Variants in RBM24 observed in about 807,000 individuals in gnomAD.
The protein encoded by RBM24 is RNA binding motif protein 24.
In RBM24, 5 loss-of-function variants were observed where a neutral mutation model predicts 23.6. The observed-to-expected ratio is 0.21, with a 90% CI of 0.11 to 0.45. The LOEUF (loss-of-function observed/expected upper bound fraction) is 0.45. Ranked by LOEUF, RBM24 falls within the 20% of genes least tolerant of loss-of-function variation. The pLI is 0.99. For synonymous variants in RBM24, 151 were observed against 129.5 expected (o/e 1.17, Z -1.13); for missense variants, 252 against 314.6 (o/e 0.80, Z 1.51).
chr6:17,283,111 T>C, intron 2 of RBM24, 183 bp downstream of exon 2: 1 of 557,968 alleles, frequency 1.8e-6, no homozygotes, highest in Non-Finnish European at 3.2e-6. Flanking sequence ...CTCTCAAGGC[T>C]TGAAATGTAC....
chr6:17,289,271 C>A, intron 3 of RBM24: 1 of 985,280 alleles, frequency 1.0e-6, no homozygotes, highest in Middle Eastern at 5.2e-4. Flanking sequence ...ACCTTCAGTC[C>A]AATTCTGCCT....
intron 3 of RBM24, chr6:17,290,900 T>G (rs1760337274): frequency 7.8e-7 from 1 of 1,287,816 alleles, no homozygotes; most frequent in Non-Finnish European, 1.0e-6. Context: ...ACAGGTTTGG[T>G]TGACCGTTGT....
intron 3 of RBM24, among the ~76,000 whole-genome samples, chr6:17,285,423 T>C (rs1402333846): frequency 6.6e-6 from 1 of 152,050 alleles, no homozygotes; most frequent in Admixed American, 6.6e-5. Flanking sequence ...AAAGGGCCTT[T>C]TTTTTTTTCT....
intron 3 of RBM24, chr6:17,288,745 TA>T (rs1391987022): frequency 1.0e-6 from 1 of 979,634 alleles, no homozygotes; most frequent in Non-Finnish European, 1.2e-6. Flanking sequence ...CCAGGAAACA[TA>T]AAGGAGCCCA....
In RBM24 at chr6:17,281,731, G is replaced by A; in HGVS notation, c.150G>A (p.Lys50=). ...AVVITDRQTG[K]SRGYGFVTMA... ...TCATCACCGACCGGCAGACGGGCAAGTCCCGGGGCTATGGATTTGTAAGTT... is the reference window on the plus strand; with the variant it reads ...TCATCACCGACCGGCAGACGGGCAAATCCCGGGGCTATGGATTTGTAAGTT... The change falls in exon 1 of 4, where the codon AAG becomes AAA. Residue 50 remains lysine, a synonymous_variant. Transcript: ENST00000379052. This position sits in a 1 kb window ranked among gnomAD's most constrained non-coding sequence, Gnocchi z 7.1. 6.4e-7 allele frequency: 1 copy of A among 1,551,088 alleles called. No individual in the cohort carries two copies. The highest frequency in any genetic ancestry group is 8.7e-7 in the Non-Finnish European group (1 of 1,146,898).
intron 3 of RBM24, among the ~76,000 whole-genome samples, chr6:17,287,821 C>T (rs569414466): frequency 6.6e-6 from 1 of 151,400 alleles, no homozygotes; most frequent in African/African-American, 2.4e-5. Context: ...AAAAAAAAAC[C>T]AAAAAACAAA....
chr6:17,283,796 T>C (rs1490892761), intron 2 of RBM24, among the ~76,000 whole-genome samples: 1 of 152,198 alleles, frequency 6.6e-6, no homozygotes, highest in East Asian at 1.9e-4. Flanking sequence ...TCAAGAACCC[T>C]ATGCTACAGA....
chr6:17,281,535 C>A lies in RBM24; in HGVS notation c.-47C>A. 1 of 1,455,224 alleles carries A rather than the reference C, an allele frequency of 6.9e-7. No individual in the cohort carries two copies. Among genetic ancestry groups the A allele is most frequent in the Non-Finnish European group, 9.1e-7 (1 of 1,104,074 alleles). The allele number at this position is 1,455,224 out of a possible 1,614,324, so 90.1% of individuals were successfully genotyped here. Reference sequence around the variant, plus strand: ...CGGAGGAGGAGGCGCAGCCGCTGCCCGAGCCGCAGCCGCAGCCGGAGCCCG... The same window carrying A: ...CGGAGGAGGAGGCGCAGCCGCTGCCAGAGCCGCAGCCGCAGCCGGAGCCCG... On this transcript the variant is annotated 5_prime_UTR_variant, in exon 1 of 4. Coordinates refer to ENST00000379052, the MANE Select transcript of RBM24 (RefSeq NM_001143942.2). The surrounding 1 kb of genome is among the most constrained non-coding windows in gnomAD (Gnocchi z 7.1).
chr6:17,290,623 T>G (rs1002737464), intron 3 of RBM24, among the ~76,000 whole-genome samples: 4 of 152,242 alleles, frequency 2.6e-5, no homozygotes, highest in African/African-American at 7.2e-5. Context: ...TGATATGATT[T>G]GTACAAAATA....
In RBM24 at chr6:17,292,164, A is replaced by G. The variant is rs911790218; in HGVS notation, c.*45A>G. 1 of 1,455,596 alleles carries G rather than the reference A, an allele frequency of 6.9e-7. No homozygotes were observed. The allele number at this position is 1,455,596 out of a possible 1,614,324, so 90.2% of individuals were successfully genotyped here. ...TTGAATTGTTTTCTCTTTCCCTCCC[A>G]ATTTTCCAATTTTTAGTAGCTAATA... On this transcript the variant is annotated 3_prime_UTR_variant, in exon 4 of 4. Transcript: ENST00000379052.
intron 2 of RBM24, chr6:17,283,180 C>A: frequency 4.4e-6 from 2 of 451,616 alleles, no homozygotes; most frequent in South Asian, 3.2e-5. Context: ...CATGTCTCAC[C>A]TGTTTCCTAT....
chr6:17,291,084 G>A (rs1418767546), intron 3 of RBM24, among the ~76,000 whole-genome samples: 2 of 152,202 alleles, frequency 1.3e-5, no homozygotes, highest in Non-Finnish European at 2.9e-5. Flanking sequence ...TGATTCTGCT[G>A]TGTTTACCAC....
rs1760073434 is a variant in RBM24, at chr6:17,282,916, A to T, written c.280A>T (p.Ile94Phe). 6.2e-7 allele frequency: 1 copy of T among 1,613,894 alleles called. No homozygotes were observed. The highest frequency in any genetic ancestry group is 8.5e-7 in the Non-Finnish European group (1 of 1,179,850). Residue 94 changes from isoleucine to phenylalanine, a missense_variant, in exon 2 of 4, where the codon ATC (isoleucine) becomes TTC (phenylalanine). By Grantham distance (21) the Ile-to-Phe change is conservative. Transcript: ENST00000379052. ...GGCATACTTAGGAGCAAAACCAAGG[A>T]TCATGCAACCAGGTGAGAAATGTCT... ...NLAYLGAKPRIMQPGFAFGVQ... is the reference protein window; with the variant it reads ...NLAYLGAKPRFMQPGFAFGVQ...
chr6:17,282,000 G>A lies in RBM24; in HGVS notation c.168+251G>A, dbSNP rs1760032468. 7.4e-7 allele frequency: 1 copy of A among 1,356,002 alleles called. No individual in the cohort carries two copies. Among genetic ancestry groups the A allele is most frequent in the Non-Finnish European group, 9.5e-7 (1 of 1,049,032 alleles). 84.0% of individuals were successfully genotyped at this position (1,356,002 alleles called of 1,614,324 possible). ...GCAGGGCAGAGCAGGGGTGAAAGGA[G>A]AGACCTGTAATGACGGCGGGATTTG... On this transcript the variant is annotated intron_variant, in intron 1 of 3. Coordinates refer to ENST00000379052, the MANE Select transcript of RBM24 (RefSeq NM_001143942.2). The surrounding 1 kb of genome is among the most constrained non-coding windows in gnomAD (Gnocchi z 7.1).
intron 3 of RBM24, among the ~76,000 whole-genome samples, chr6:17,287,502 T>C (rs966895232): frequency 6.6e-6 from 1 of 152,128 alleles, no homozygotes; most frequent in Non-Finnish European, 1.5e-5. Flanking sequence ...GATCTGTGAG[T>C]AGAAATTTCT....
intron 2 of RBM24, 67 bp from the exon 3 acceptor site, chr6:17,284,590 T>G: frequency 8.2e-7 from 1 of 1,226,094 alleles, no homozygotes; most frequent in Non-Finnish European, 1.2e-6. Flanking sequence ...GTGATTGCAT[T>G]TTACATGTAG....
chr6:17,287,683 G>A (rs1312326917), intron 3 of RBM24, among the ~76,000 whole-genome samples: 7 of 152,012 alleles, frequency 4.6e-5, no homozygotes, highest in African/African-American at 7.2e-5. Context: ...GGTGGTGGGC[G>A]CCTGTAGTCC....
rs763790990 is a variant in RBM24 at position 17,291,867 on chromosome 6, T to A, written c.459T>A (p.Thr153=). 4 of 1,614,090 alleles carry A rather than the reference T, an allele frequency of 2.5e-6. No individual in the cohort carries two copies. Among genetic ancestry groups the A allele is most frequent in the Non-Finnish European group, 3.4e-6 (4 of 1,180,010 alleles). Residue 153 remains threonine (T), a synonymous_variant, in exon 4 of 4, where the codon ACT becomes ACA. Transcript: ENST00000379052. ...CCACCACCCCTTACATTGATTACACTGGAGCTGCATACGCACAATACTCAG... is the reference window on the plus strand; with the variant it reads ...CCACCACCCCTTACATTGATTACACAGGAGCTGCATACGCACAATACTCAG... ...AASTTPYIDY[T]GAAYAQYSAA...
intron 2 of RBM24, among the ~76,000 whole-genome samples, chr6:17,284,388 ACATTTTCC>A (rs1760130554): frequency 6.6e-6 from 1 of 152,146 alleles, no homozygotes. Flanking sequence ...TATTTCATGA[ACATTTTCC>A]CAAGGTCTGA....
Sources: gnomAD v4.1 joint callset for allele counts (sites outside exome capture counted in the v4.1 genomes callset) on GRCh38, gnomAD v4.1.1 for gene constraint, Gnocchi (gnomAD v3.1) non-coding constraint, MANE v1.5 for transcripts, NCBI Gene and HGNC (gene_info 2026-07-23, HGNC 2026-07-21) for gene names.